The following EEF2KMT variants were observed in gnomAD, a reference collection of about 807,000 sequenced individuals.
The protein encoded by EEF2KMT is eukaryotic elongation factor 2 lysine methyltransferase.
A neutral mutation model predicts 35.1 loss-of-function variants in EEF2KMT; 30 were observed. That is an observed-to-expected ratio of 0.85 (90% CI 0.64 to 1.16). The LOEUF (loss-of-function observed/expected upper bound fraction) is 1.16. EEF2KMT is among the 50% of genes most tolerant of loss of function. EEF2KMT has a pLI of 0.00. For missense variants in EEF2KMT, 499 were observed against 438.2 expected (o/e 1.14, Z -1.24); for synonymous variants, 190 against 187.7 (o/e 1.01, Z -0.10).
chr16:5,093,569 G>T lies in EEF2KMT; in HGVS notation c.160-5C>A. ...ACACACAGGATGCTTCACAGTCTACGGCAAAGGACAGAACGTTGGTTGCTC... is the reference window on the plus strand; with the variant it reads ...ACACACAGGATGCTTCACAGTCTACTGCAAAGGACAGAACGTTGGTTGCTC... On this transcript the variant is annotated splice_polypyrimidine_tract_variant and splice_region_variant and intron_variant, in intron 2 of 7. Coordinates refer to ENST00000427587, the MANE Select transcript of EEF2KMT (RefSeq NM_201400.4). 1 of 1,610,582 alleles carries T rather than the reference G, an allele frequency of 6.2e-7. No homozygotes were observed. The highest frequency in any genetic ancestry group is 8.5e-7 in the Non-Finnish European group (1 of 1,179,700).
At chr16:5,091,740 C>T in intron 4 of EEF2KMT, 54 bp downstream of exon 4, 2 of 1,606,946 alleles carry the variant, frequency 1.2e-6, no homozygotes. Context: ...TTCACTTTGT[C>T]TGTGCAGGAA....
chr16:5,096,754 G>A lies in EEF2KMT; in HGVS notation c.96+890C>T, dbSNP rs569861067. Among the ~76,000 whole-genome samples, 11 of 152,300 alleles carry A rather than the reference G, an allele frequency of 7.2e-5. 1 individual carries two copies. In the South Asian group the frequency reaches 1.4e-3, roughly 20 times the overall value. On this transcript the variant is annotated intron_variant, in intron 1 of 7. Transcript: ENST00000427587. Reference sequence around the variant, plus strand: ...GAGTGGTAATAATAGTACCCACCTCGTGGGTGTTGAGGGTGAGCCCAAGTT... The same window carrying A: ...GAGTGGTAATAATAGTACCCACCTCATGGGTGTTGAGGGTGAGCCCAAGTT...
rs763708477 is a variant in EEF2KMT at position 5,097,734 on chromosome 16, C to G, written c.6G>C (p.Ala2=). Residue 2 remains alanine, a synonymous_variant, in exon 1 of 8, where the codon GCG becomes GCC. Transcript: ENST00000427587. ...GTTCGGTCCCCGCGTTCTCCTCGGG[C>G]GCCATGACGTGGGCGGGGCCGCAGC... The part of the protein sequence containing the change: M[A]PEENAGTELL... 46 of 1,563,090 alleles carry G rather than the reference C, an allele frequency of 2.9e-5. No homozygotes were observed. Among genetic ancestry groups the G allele is most frequent in the Middle Eastern group, 2.3e-4 (1 of 4,386 alleles).
intron 1 of EEF2KMT, chr16:5,097,159 A>T: frequency 1.9e-6 from 1 of 532,804 alleles, no homozygotes; most frequent in South Asian, 2.8e-5. Flanking sequence ...CTCTTCCATC[A>T]CAGGCGTGAC....
At chr16:5,088,573 A>G (rs1567177013) in intron 7 of EEF2KMT, among the ~76,000 whole-genome samples, 2 of 151,804 alleles carry the variant, frequency 1.3e-5, no homozygotes, top group African/African-American at 4.8e-5. Flanking sequence ...TTTGTTGGTG[A>G]GATGGGACAG....
Position 5,090,429 on chromosome 16 carries a change from C to A in EEF2KMT, c.476+3G>T. The A allele has an allele frequency of 6.2e-7, 1 of 1,611,946 alleles. No individual in the cohort carries two copies. Among genetic ancestry groups the A allele is most frequent in the Non-Finnish European group, 8.5e-7 (1 of 1,179,848 alleles). ...GGTGCCCTGCCCTGCGCCCCGAGGTCACCTGTTAGTGAAGACTGCCGGGTT... is the reference window on the plus strand; with the variant it reads ...GGTGCCCTGCCCTGCGCCCCGAGGTAACCTGTTAGTGAAGACTGCCGGGTT... On this transcript the variant is annotated splice_donor_region_variant and intron_variant, in intron 5 of 7. Transcript: ENST00000427587. The surrounding 1 kb of genome is among the most constrained non-coding windows in gnomAD (Gnocchi z 4.1).
intron 1 of EEF2KMT, chr16:5,097,207 C>A: frequency 9.6e-7 from 1 of 1,042,502 alleles, no homozygotes; most frequent in South Asian, 1.5e-5. Context: ...CAGTGCTCAA[C>A]ATACAGATGA....
intron 7 of EEF2KMT, among the ~76,000 whole-genome samples, chr16:5,088,528 T>G (rs1385445221): frequency 1.3e-5 from 2 of 151,992 alleles, no homozygotes; most frequent in Non-Finnish European, 2.9e-5. Context: ...CTGCGGGAGC[T>G]CGGGGGTCTC....
intron 3 of EEF2KMT, among the ~76,000 whole-genome samples, chr16:5,092,870 C>T (rs1427989015): frequency 1.3e-5 from 2 of 152,152 alleles, no homozygotes; most frequent in Non-Finnish European, 2.9e-5. Flanking sequence ...GCTGGCATGA[C>T]AGTTGCTTGA....
At chr16:5,086,991 A>T (rs553118679) in intron 7 of EEF2KMT, 1 of 152,180 alleles carries the variant, frequency 6.6e-6, no homozygotes, top group Non-Finnish European at 1.5e-5. Context: ...ACGATTTTCA[A>T]TCACAGTTTT....
At chr16:5,095,200 A>T (rs191672356) in intron 2 of EEF2KMT, among the ~76,000 whole-genome samples, 1 of 152,240 alleles carries the variant, frequency 6.6e-6, no homozygotes, top group Non-Finnish European at 1.5e-5. Flanking sequence ...TTTAAAAAAC[A>T]TTCCCTAGAT....
Position 5,095,457 on chromosome 16 carries a change from G to A in EEF2KMT, c.154C>T (p.His52Tyr), listed in dbSNP as rs1298821277. 10 of 1,611,696 alleles carry A rather than the reference G, an allele frequency of 6.2e-6. No homozygotes were observed. The highest frequency in any genetic ancestry group is 2.2e-5 in the East Asian group (1 of 44,862). The change falls in exon 2 of 8, where the codon CAC becomes TAC. Residue 52 changes from histidine to tyrosine, a missense_variant. Coordinates refer to ENST00000427587, the MANE Select transcript of EEF2KMT (RefSeq NM_201400.4). The stretch of plus-strand genomic sequence containing the variant: ...AGGGACTCTGGGATTCTTACCTTGT[G>A]CAAAATATCCCGCAGCAGCTCAGAA... ...SDSELLRDIL[H>Y]KTVKHPVCVK... is the part of the protein sequence containing the mutation.
rs375256093 is a variant in EEF2KMT, at chr16:5,084,398, A to T, written c.*1234T>A. On this transcript the variant is annotated 3_prime_UTR_variant, in exon 8 of 8. Coordinates refer to ENST00000427587, the MANE Select transcript of EEF2KMT (RefSeq NM_201400.4). The stretch of plus-strand genomic sequence containing the variant: ...TGATCCTTGATTCAGACAGTTTAGC[A>T]AGGCTGCAAAGAACACCGACACCCC... The T allele has an allele frequency of 4.3e-5, 20 of 460,402 alleles. No homozygotes were observed. The highest frequency in any genetic ancestry group is 2.2e-4 in the East Asian group (5 of 23,220). The allele number at this position is 460,402 out of a possible 1,614,324, so 28.5% of individuals were successfully genotyped here.
In EEF2KMT at chr16:5,090,295, C is replaced by G. The variant is rs746745730; in HGVS notation, c.531G>C (p.Lys177Asn). 8.7e-6 allele frequency: 14 copies of G among 1,611,940 alleles called. No homozygotes were observed. Among genetic ancestry groups the G allele is most frequent in the East Asian group, 4.5e-5 (2 of 44,890 alleles). Reference protein sequence around the residue: ...GAGLTGLAICKMCRPRAYIFS... With the variant: ...GAGLTGLAICNMCRPRAYIFS... ...AGATGTATGCCCGGGGGCGGCACAT[C>G]TTGCAGATGGCCAGGCCTGTGAGGC... The change falls in exon 6 of 8, where the codon AAG (lysine) becomes AAC (asparagine). Residue 177 changes from lysine (K) to asparagine (N), a missense_variant. Physicochemically the swap from Lys to Asn is moderately conservative, Grantham distance 94. Coordinates refer to ENST00000427587, the MANE Select transcript of EEF2KMT (RefSeq NM_201400.4). This position sits in a 1 kb window ranked among gnomAD's most constrained non-coding sequence, Gnocchi z 4.1.
chr16:5,091,692 A>G (rs1156542809), intron 4 of EEF2KMT, 102 bp downstream of exon 4: 1 of 1,554,940 alleles, frequency 6.4e-7, no homozygotes, highest in African/African-American at 1.4e-5. Context: ...CTAAGACTGT[A>G]GAATGGGTGA....
At chr16:5,086,374 CCA>C (rs1219969980) in intron 7 of EEF2KMT, 19 of 150,442 alleles carry the variant, frequency 1.3e-4, no homozygotes, top group Middle Eastern at 3.4e-3. Flanking sequence ...ACACACACAC[CCA>C]CACACACACA....
chr16:5,085,954 C>T (rs541521482), intron 7 of EEF2KMT, among the ~76,000 whole-genome samples: 2 of 152,268 alleles, frequency 1.3e-5, no homozygotes, highest in South Asian at 4.1e-4. Flanking sequence ...GGCACCGTGC[C>T]GCTGTCCACT....
At position 5,084,804 on chromosome 16, in the gene EEF2KMT, A is replaced by C; in HGVS notation, c.*828T>G. 6.3e-7 allele frequency: 1 copy of C among 1,596,468 alleles called. No individual in the cohort carries two copies. The highest frequency in any genetic ancestry group is 8.5e-7 in the Non-Finnish European group (1 of 1,179,774). On this transcript the variant is annotated 3_prime_UTR_variant, in exon 8 of 8. Coordinates refer to ENST00000427587, the MANE Select transcript of EEF2KMT (RefSeq NM_201400.4). Reference sequence around the variant, plus strand: ...GGGCAAGCTAAACCAGTTCCGGAAGAACCTGCGGGAGTCGCAGCAGCTCCG... The same window carrying C: ...GGGCAAGCTAAACCAGTTCCGGAAGCACCTGCGGGAGTCGCAGCAGCTCCG...
Position 5,085,096 on chromosome 16 carries a change from CTTCTTCTG to C in EEF2KMT, c.*528_*535del. 2.4e-6 allele frequency: 2 copies of C among 832,064 alleles called. No individual in the cohort carries two copies. Among genetic ancestry groups the C allele is most frequent in the Non-Finnish European group, 3.7e-6 (2 of 538,606 alleles). The allele number at this position is 832,064 out of a possible 1,614,324, so 51.5% of individuals were successfully genotyped here. ...CTGGAGGCTTGGAAACGCTTCCTCT[CTTCTTCTG>C]TTCTTCACGCCCCATGCCCCTGCTA... is the stretch of plus-strand genomic sequence containing the variant. On this transcript the variant is annotated 3_prime_UTR_variant, in exon 8 of 8. Transcript: ENST00000427587.
Sources: allele counts gnomAD v4.1 joint callset (sites outside exome capture counted in the v4.1 genomes callset), GRCh38; gene constraint gnomAD v4.1.1; non-coding constraint Gnocchi (gnomAD v3.1); transcripts MANE v1.5; gene names NCBI Gene and HGNC (gene_info 2026-07-23, HGNC 2026-07-21).